The following SAMD5 variants were observed in gnomAD, a reference collection of about 807,000 sequenced individuals.
The protein encoded by SAMD5 is sterile alpha motif domain containing 5, also known as sterile alpha motif domain-containing protein 5.
In SAMD5, 13 loss-of-function variants were observed where a neutral mutation model predicts 11.3. The observed-to-expected ratio is 1.15, with a 90% CI of 0.75 to 1.83. The LOEUF (loss-of-function observed/expected upper bound fraction) is 1.83. SAMD5 is among the 40% of genes most tolerant of loss of function. SAMD5 has a pLI of 0.00. For synonymous variants in SAMD5, 129 were observed against 111.3 expected, an observed-to-expected ratio of 1.16 and a Z score of -1.00; for missense variants, 255 against 239.1, an observed-to-expected ratio of 1.07 and a Z score of -0.44.
intron 1 of SAMD5, among the ~76,000 whole-genome samples, chr6:147,605,928 A>G (rs1039566944): frequency 2.0e-5 from 3 of 152,020 alleles, no homozygotes; most frequent in Admixed American, 6.6e-5. Context: ...TATCACAGAG[A>G]AGACTCTAGT....
the SAMD5 span, among the ~76,000 whole-genome samples, chr6:147,856,644 C>T: frequency 1.3e-5 from 2 of 152,184 alleles, no homozygotes; most frequent in South Asian, 2.1e-4. Context: ...AAACTATCTG[C>T]ATGATCAACA....
intron 1 of SAMD5, among the ~76,000 whole-genome samples, chr6:147,520,284 A>G (rs1788232399): frequency 6.6e-6 from 1 of 151,980 alleles, no homozygotes; most frequent in South Asian, 2.1e-4. Context: ...TGCCTGGCTA[A>G]TTTTTGTATT....
At chr6:147,719,437 G>A (rs1791515944) in intron 1 of SAMD5, among the ~76,000 whole-genome samples, 1 of 152,122 alleles carries the variant, frequency 6.6e-6, no homozygotes, top group South Asian at 2.1e-4. Flanking sequence ...GAAACCAAAG[G>A]CGCAGCAGAC....
the SAMD5 span, among the ~76,000 whole-genome samples, chr6:147,842,239 A>T: frequency 1.3e-5 from 2 of 152,100 alleles, no homozygotes; most frequent in Admixed American, 1.3e-4. Flanking sequence ...TTGTTGGTCC[A>T]TAGAACTAAT....
intron 1 of SAMD5, among the ~76,000 whole-genome samples, chr6:147,587,482 C>T (rs1364603529): frequency 6.6e-6 from 1 of 152,176 alleles, no homozygotes; most frequent in Non-Finnish European, 1.5e-5. Flanking sequence ...AGTGATCCGC[C>T]TGCCTTGATC....
the SAMD5 span, among the ~76,000 whole-genome samples, chr6:147,864,227 C>T: frequency 3.3e-5 from 5 of 152,096 alleles, no homozygotes; most frequent in African/African-American, 1.2e-4. Context: ...AGAAAATGTT[C>T]TGTTTGTGTT....
At chr6:147,908,603 A>G in the SAMD5 span, among the ~76,000 whole-genome samples, 2 of 152,218 alleles carry the variant, frequency 1.3e-5, no homozygotes, top group Admixed American at 1.3e-4. Context: ...ACTTTGCAGC[A>G]GGGAAAGAGA....
At chr6:147,635,016 A>G (rs774718947) in intron 1 of SAMD5, among the ~76,000 whole-genome samples, 5 of 152,224 alleles carry the variant, frequency 3.3e-5, no homozygotes, top group Non-Finnish European at 7.3e-5. Context: ...CCACAGACCA[A>G]CACAGGCAGT....
intron 1 of SAMD5, among the ~76,000 whole-genome samples, chr6:147,512,933 G>A (rs1157264503): frequency 6.6e-6 from 1 of 152,138 alleles, no homozygotes; most frequent in African/African-American, 2.4e-5. Flanking sequence ...CAGGGATTGG[G>A]CACCATCTCA....
chr6:147,612,486 C>A (rs1789802064), intron 1 of SAMD5, among the ~76,000 whole-genome samples: 1 of 152,212 alleles, frequency 6.6e-6, no homozygotes. Context: ...ATCAAGTCTA[C>A]ACTTCATTAC....
intron 1 of SAMD5, among the ~76,000 whole-genome samples, chr6:147,649,126 A>G (rs1369095155): frequency 1.3e-5 from 2 of 152,218 alleles, no homozygotes; most frequent in Non-Finnish European, 2.9e-5. Flanking sequence ...TCTTCTCACC[A>G]GCTGTGGAAG....
In SAMD5 at chr6:147,567,079, T is replaced by C. The variant is rs2128444889; in HGVS notation, c.*2623T>C. 1 of 972,894 alleles carries C rather than the reference T, an allele frequency of 1.0e-6. No individual in the cohort carries two copies. Among genetic ancestry groups the C allele is most frequent in the Non-Finnish European group, 1.2e-6 (1 of 818,512 alleles). 60.3% of individuals were successfully genotyped at this position (972,894 alleles called of 1,614,324 possible). On this transcript the variant is annotated 3_prime_UTR_variant, in exon 2 of 2. Transcript: ENST00000367474. ...AATTACAGACTTTCACTTGATAATA[T>C]TGAGGAGTCTGGAGGGTCATAGCAA... is the stretch of plus-strand genomic sequence containing the variant.
chr6:147,810,852 C>A, the SAMD5 span, among the ~76,000 whole-genome samples: 4 of 152,230 alleles, frequency 2.6e-5, no homozygotes, highest in African/African-American at 9.6e-5. Flanking sequence ...GAGTCCACTC[C>A]CTGCCCTGGG....
chr6:147,765,185 G>A, the SAMD5 span, among the ~76,000 whole-genome samples: 2 of 152,000 alleles, frequency 1.3e-5, no homozygotes, highest in Non-Finnish European at 2.9e-5. Context: ...TCCCTACCTT[G>A]GAAATCTTGT....
At chr6:147,804,111 CTTTTT>C in the SAMD5 span, among the ~76,000 whole-genome samples, 1 of 132,144 alleles carries the variant, frequency 7.6e-6, no homozygotes. Flanking sequence ...TTGAAGATAT[CTTTTT>C]TTTTTTTTTT....
the SAMD5 span, among the ~76,000 whole-genome samples, chr6:147,812,111 C>G: frequency 6.6e-6 from 1 of 152,094 alleles, no homozygotes; most frequent in East Asian, 1.9e-4. Flanking sequence ...GGAAGCAGCA[C>G]TGATGAATGG....
In SAMD5 at chr6:147,564,199, A is replaced by G. The variant is rs556461168; in HGVS notation, c.460-195A>G. ...TATAGGCTTGACAAGGATAAAATGCATTCTTTTTTAATTAGCTTGAAAGAG... is the reference window on the plus strand; with the variant it reads ...TATAGGCTTGACAAGGATAAAATGCGTTCTTTTTTAATTAGCTTGAAAGAG... On this transcript the variant is annotated intron_variant, in intron 1 of 1. Transcript: ENST00000367474. Among the ~76,000 whole-genome samples the G allele has an allele frequency of 2.6e-5, 4 of 152,314 alleles. No individual in the cohort carries two copies. The South Asian group carries it at 8.3e-4, about 32-fold the overall frequency.
chr6:147,865,631 C>T, the SAMD5 span, among the ~76,000 whole-genome samples: 17 of 152,122 alleles, frequency 1.1e-4, no homozygotes, highest in African/African-American at 4.1e-4. Flanking sequence ...GCTTTCCTGA[C>T]ATTTTCTGAA....
At chr6:147,790,816 CTCTCTCTCTCT>C in the SAMD5 span, among the ~76,000 whole-genome samples, 1 of 115,934 alleles carries the variant, frequency 8.6e-6, no homozygotes, top group East Asian at 2.5e-4. Context: ...CTCTCTCTCT[CTCTCTCTCTCT>C]TCTCTGTCTC....
Sources: allele counts gnomAD v4.1 joint callset (sites outside exome capture counted in the v4.1 genomes callset), GRCh38; gene constraint gnomAD v4.1.1; transcripts MANE v1.5; gene names NCBI Gene and HGNC (gene_info 2026-07-23, HGNC 2026-07-21).